OSBPL8: variants seen among roughly 807,000 people sequenced by gnomAD.
OSBPL8 encodes oxysterol-binding protein-related protein 8.
Under a neutral mutation model 125.5 loss-of-function variants are expected in OSBPL8, and 59 were observed. The ratio of observed to expected loss-of-function variants is 0.47; its 90% CI spans 0.38 to 0.58. OSBPL8 has a LOEUF of 0.58. Ranked by LOEUF, OSBPL8 falls within the 20% of genes least tolerant of loss-of-function variation. The probability of loss-of-function intolerance (pLI) is 0.00; values close to 1 mark genes in which losing one functional copy is unlikely to be tolerated. For missense variants in OSBPL8, 758 were observed against 1,047.8 expected, an observed-to-expected ratio of 0.72 and a Z score of 3.82; for synonymous variants, 330 against 338.9, an observed-to-expected ratio of 0.97 and a Z score of 0.29.
Position 76,397,755 on chromosome 12 carries a change from T to C in OSBPL8, c.611A>G (p.Lys204Arg), listed in dbSNP as rs1341447561. Residue 204 changes from lysine (K) to arginine (R), a missense_variant, in exon 8 of 24, where the codon AAA becomes AGA. This residue lies in a region of OSBPL8 where 69 missense variants were observed against 148.7 expected (regional missense o/e 0.46). Coordinates refer to ENST00000261183, the MANE Select transcript of OSBPL8 (RefSeq NM_020841.5). Reference protein sequence around the residue: ...NACEIIERPSKKDGFCFKLFH... With the variant: ...NACEIIERPSRKDGFCFKLFH... ...AAGTTTGAAACAAAAGCCATCCTTT[T>C]TTGATGGACGTTCAATGATTTCACA... 6 of 1,614,128 alleles carry C rather than the reference T, an allele frequency of 3.7e-6. No homozygotes were observed. The highest frequency in any genetic ancestry group is 5.1e-6 in the Non-Finnish European group (6 of 1,180,002).
chr12:76,434,015 A>C (rs1342544596), intron 4 of OSBPL8, among the ~76,000 whole-genome samples: 1 of 151,846 alleles, frequency 6.6e-6, no homozygotes. Context: ...ACTCATATGA[A>C]ATCACAAAGA....
At chr12:76,528,446 T>G (rs567760283) in intron 1 of OSBPL8, among the ~76,000 whole-genome samples, 2 of 152,050 alleles carry the variant, frequency 1.3e-5, no homozygotes, top group African/African-American at 2.4e-5. Flanking sequence ...ATTACCAGAA[T>G]TTTTTCTATG....
chr12:76,359,012 C>T (rs1952097804), intron 21 of OSBPL8, among the ~76,000 whole-genome samples: 1 of 152,098 alleles, frequency 6.6e-6, no homozygotes, highest in Non-Finnish European at 1.5e-5. Context: ...TACTTTGGCA[C>T]AAATGTCAAA....
intron 4 of OSBPL8, among the ~76,000 whole-genome samples, chr12:76,416,191 A>G (rs1379986216): frequency 2.0e-5 from 3 of 152,060 alleles, no homozygotes; most frequent in Non-Finnish European, 4.4e-5. Context: ...TTAGAAATAT[A>G]TTTTTGAATT....
At chr12:76,479,401 T>C (rs1475041316) in intron 2 of OSBPL8, among the ~76,000 whole-genome samples, 2 of 152,158 alleles carry the variant, frequency 1.3e-5, no homozygotes, top group Non-Finnish European at 2.9e-5. Context: ...AAAATGTATG[T>C]TGATTGGTTT....
At chr12:76,384,943 TCAGTTTTGG>T (rs1014828553) in intron 14 of OSBPL8, among the ~76,000 whole-genome samples, 6 of 152,196 alleles carry the variant, frequency 3.9e-5, no homozygotes, top group African/African-American at 1.4e-4. Flanking sequence ...CTGCTTTAAC[TCAGTTTTGG>T]CACTAATTTT....
chr12:76,532,233 A>C (rs1950361788), intron 1 of OSBPL8, among the ~76,000 whole-genome samples: 1 of 152,098 alleles, frequency 6.6e-6, no homozygotes, highest in Non-Finnish European at 1.5e-5. Flanking sequence ...ACCCCCAATT[A>C]AACTAGGTGG....
chr12:76,544,793 G>A (rs1015643653), intron 1 of OSBPL8, among the ~76,000 whole-genome samples: 1 of 151,682 alleles, frequency 6.6e-6, no homozygotes, highest in Non-Finnish European at 1.5e-5. Flanking sequence ...TTCTCACTTA[G>A]CTCCTTAGCA....
chr12:76,436,638 A>AAG (rs1871484785), intron 4 of OSBPL8, among the ~76,000 whole-genome samples: 1 of 150,870 alleles, frequency 6.6e-6, no homozygotes, highest in Non-Finnish European at 1.5e-5. Context: ...GAATTGAAGG[A>AAG]ACTTAACTTA....
chr12:76,407,908 A>T (rs1427392795), intron 5 of OSBPL8, among the ~76,000 whole-genome samples: 1 of 152,122 alleles, frequency 6.6e-6, no homozygotes, highest in Non-Finnish European at 1.5e-5. Flanking sequence ...TGGGGAATTA[A>T]TTTGTCTGAG....
Position 76,457,203 on chromosome 12 carries a change from G to A in OSBPL8, c.79+2656C>T, listed in dbSNP as rs150660390. Reference sequence around the variant, plus strand: ...ACACCTGAGCTCATAGTAATAACAGGAAGTGGTTAGAAAATTATTACAGTA... The same window carrying A: ...ACACCTGAGCTCATAGTAATAACAGAAAGTGGTTAGAAAATTATTACAGTA... On this transcript the variant is annotated intron_variant, in intron 3 of 23. Coordinates refer to ENST00000261183, the MANE Select transcript of OSBPL8 (RefSeq NM_020841.5). Among the ~76,000 whole-genome samples the A allele has an allele frequency of 3.9e-5, 6 of 152,276 alleles. No individual in the cohort carries two copies. The East Asian group carries it at 5.8e-4, about 15-fold the overall frequency.
intron 18 of OSBPL8, among the ~76,000 whole-genome samples, chr12:76,372,961 C>T (rs1356158692): frequency 1.3e-5 from 2 of 152,142 alleles, no homozygotes; most frequent in Non-Finnish European, 2.9e-5. Flanking sequence ...ATTATGTGAA[C>T]TCTCTGTGCC....
chr12:76,393,747 G>A (rs1177512711), intron 9 of OSBPL8, among the ~76,000 whole-genome samples: 1 of 140,842 alleles, frequency 7.1e-6, no homozygotes, highest in African/African-American at 2.6e-5. Flanking sequence ...TCTGAGGCCA[G>A]GTGCGATGGC....
intron 2 of OSBPL8, among the ~76,000 whole-genome samples, chr12:76,461,544 G>A (rs751294906): frequency 3.3e-5 from 5 of 151,510 alleles, no homozygotes; most frequent in African/African-American, 7.3e-5. Flanking sequence ...TCCACCTCCC[G>A]GGTTCAAGCG....
chr12:76,533,948 T>C (rs1950421620), intron 1 of OSBPL8, among the ~76,000 whole-genome samples: 1 of 152,148 alleles, frequency 6.6e-6, no homozygotes, highest in South Asian at 2.1e-4. Context: ...AGACCAAAAA[T>C]ACACGTGAAA....
At chr12:76,493,120 A>G (rs1233304985) in intron 1 of OSBPL8, among the ~76,000 whole-genome samples, 1 of 152,142 alleles carries the variant, frequency 6.6e-6, no homozygotes, top group Non-Finnish European at 1.5e-5. Flanking sequence ...GAGCAAGTCC[A>G]TTGCCTTCTC....
rs1014295217 is a variant in OSBPL8, at chr12:76,553,895, T to A, written c.-68+5502A>T. Among the ~76,000 whole-genome samples the A allele has an allele frequency of 2.9e-5, 4 of 139,036 alleles. No individual in the cohort carries two copies. In the South Asian group the frequency reaches 9.2e-4, roughly 32 times the overall value. 91.2% of individuals were successfully genotyped at this position (139,036 alleles called of 152,430 possible). On this transcript the variant is annotated intron_variant, in intron 1 of 23. Transcript: ENST00000261183. ...AGGAGGCTCAGGCATGAGAATCACT[T>A]GAAACCGGGAGGCAGAGGTTGCAGT...
intron 5 of OSBPL8, among the ~76,000 whole-genome samples, chr12:76,409,034 C>G (rs1954397288): frequency 6.6e-6 from 1 of 151,838 alleles, no homozygotes. Context: ...GTATTTCTAG[C>G]TGTGGCAGAC....
chr12:76,528,738 A>C (rs1024226219), intron 1 of OSBPL8, among the ~76,000 whole-genome samples: 2 of 152,122 alleles, frequency 1.3e-5, no homozygotes, highest in African/African-American at 2.4e-5. Context: ...AGCTACAGAC[A>C]GCTACTAGGG....
Sources: gnomAD v4.1 joint callset for allele counts (sites outside exome capture counted in the v4.1 genomes callset) on GRCh38, gnomAD v4.1.1 for gene constraint, gnomAD v4.1.1 regional missense constraint, MANE v1.5 for transcripts, NCBI Gene and HGNC (gene_info 2026-07-23, HGNC 2026-07-21) for gene names.